ADAM22: variants seen among roughly 807,000 people sequenced by gnomAD.
ADAM22 encodes ADAM metallopeptidase domain 22.
Under a neutral mutation model 144.6 loss-of-function variants are expected in ADAM22, and 65 were observed. The observed-to-expected ratio is 0.45, with a 90% CI of 0.37 to 0.55. ADAM22 has a LOEUF of 0.55. Ranked by LOEUF, ADAM22 falls within the 20% of genes least tolerant of loss-of-function variation. ADAM22 has a pLI of 0.00. For missense variants in ADAM22, 974 were observed against 1,184.9 expected (o/e 0.82, Z 2.61); for synonymous variants, 391 against 412.6 (o/e 0.95, Z 0.63).
chr7:87,991,352 A>ATTTTT (rs10549124), intron 3 of ADAM22, among the ~76,000 whole-genome samples: 3 of 86,064 alleles, frequency 3.5e-5, no homozygotes, highest in East Asian at 3.5e-4. Flanking sequence ...CACTAGCCTT[A>ATTTTT]TTTTTTTTTT....
At chr7:87,960,911 G>A (rs1242654857) in intron 2 of ADAM22, among the ~76,000 whole-genome samples, 1 of 152,142 alleles carries the variant, frequency 6.6e-6, no homozygotes, top group Admixed American at 6.5e-5. Context: ...ATGTGGCACT[G>A]TTCTGTGCCT....
At chr7:87,975,526 T>C (rs1851707868) in intron 2 of ADAM22, among the ~76,000 whole-genome samples, 1 of 152,210 alleles carries the variant, frequency 6.6e-6, no homozygotes. Context: ...CAAACATTCT[T>C]ACTAAGCAGT....
chr7:88,026,356 C>G (rs1044404832), intron 3 of ADAM22, among the ~76,000 whole-genome samples: 2 of 152,138 alleles, frequency 1.3e-5, no homozygotes, highest in Non-Finnish European at 1.5e-5. Context: ...ATACTTTTAA[C>G]AACGAGATGT....
intron 17 of ADAM22, among the ~76,000 whole-genome samples, chr7:88,146,751 C>G (rs1283720443): frequency 1.3e-5 from 2 of 152,202 alleles, no homozygotes; most frequent in Non-Finnish European, 1.5e-5. Flanking sequence ...TACAGGCTCA[C>G]TTAGCCAGTA....
At chr7:88,040,851 T>C (rs1033445095) in intron 3 of ADAM22, among the ~76,000 whole-genome samples, 1 of 151,858 alleles carries the variant, frequency 6.6e-6, no homozygotes, top group Admixed American at 6.6e-5. Flanking sequence ...TCATTCAAGG[T>C]TGTTGGCAGA....
intron 23 of ADAM22, among the ~76,000 whole-genome samples, chr7:88,164,482 T>C (rs1842504014): frequency 1.3e-5 from 2 of 152,188 alleles, no homozygotes; most frequent in South Asian, 2.1e-4. Context: ...AAAAAATTAA[T>C]ATAAGAAAAA....
intron 2 of ADAM22, among the ~76,000 whole-genome samples, chr7:87,975,647 G>A (rs116645798): frequency 0.03 from 4,613 of 152,156 alleles, 103 homozygotes; most frequent in South Asian, 0.068. Flanking sequence ...TGGAGCTGCA[G>A]GAAAAAGAAT....
intron 7 of ADAM22, among the ~76,000 whole-genome samples, chr7:88,121,278 G>C (rs1235916332): frequency 6.6e-6 from 1 of 151,712 alleles, no homozygotes; most frequent in East Asian, 1.9e-4. Context: ...TATAATTCTG[G>C]GATTTTTATT....
chr7:88,180,948 T>A (rs543145144), intron 27 of ADAM22, among the ~76,000 whole-genome samples: 1 of 152,144 alleles, frequency 6.6e-6, no homozygotes, highest in South Asian at 2.1e-4. Context: ...TTAGCCAACA[T>A]GTACTACACT....
intron 20 of ADAM22, 51 bp downstream of exon 20, chr7:88,151,371 C>A: frequency 6.2e-7 from 1 of 1,603,154 alleles, no homozygotes; most frequent in Non-Finnish European, 8.5e-7. Flanking sequence ...GTCAGGCGGA[C>A]TTCTCAAGGA....
intron 4 of ADAM22, among the ~76,000 whole-genome samples, chr7:88,078,906 A>G (rs1224491931): frequency 3.9e-5 from 6 of 152,252 alleles, no homozygotes; most frequent in Non-Finnish European, 8.8e-5. Context: ...GAATGGAACC[A>G]AGTTGCAAAA....
intron 4 of ADAM22, among the ~76,000 whole-genome samples, chr7:88,085,268 CAGTTTGCACAAGCATGGCCA>C (rs1454448115): frequency 6.6e-6 from 1 of 152,156 alleles, no homozygotes; most frequent in Non-Finnish European, 1.5e-5. Context: ...CTTCTTGTGT[CAGTTTGCACAAGCATGGCCA>C]TATGTATCCT....
chr7:88,083,505 A>G (rs1359155336), intron 4 of ADAM22, among the ~76,000 whole-genome samples: 1 of 151,880 alleles, frequency 6.6e-6, no homozygotes, highest in Non-Finnish European at 1.5e-5. Context: ...AGAATGCTAT[A>G]ATGAAACCCC....
At chr7:88,175,934 T>C (rs933400074) in intron 26 of ADAM22, among the ~76,000 whole-genome samples, 5 of 152,164 alleles carry the variant, frequency 3.3e-5, no homozygotes, top group Non-Finnish European at 7.3e-5. Context: ...GACAAATTTC[T>C]AAATGAAGGA....
intron 21 of ADAM22, 151 bp downstream of exon 21, chr7:88,153,477 T>G (rs1336200918): frequency 1.7e-6 from 1 of 604,584 alleles, no homozygotes; most frequent in African/African-American, 1.9e-5. Context: ...GCATCACCTG[T>G]GCAGAGGGCT....
intron 4 of ADAM22, among the ~76,000 whole-genome samples, chr7:88,086,935 CTT>C (rs1818594320): frequency 6.6e-6 from 1 of 152,052 alleles, no homozygotes; most frequent in Non-Finnish European, 1.5e-5. Context: ...ACAGTAATAA[CTT>C]TTATTGTATG....
intron 30 of ADAM22, 74 bp from the exon 31 acceptor site, chr7:88,193,042 T>G: frequency 6.3e-7 from 1 of 1,588,188 alleles, no homozygotes; most frequent in Non-Finnish European, 8.6e-7. Flanking sequence ...GGGTTTGTTC[T>G]GAACACACTT....
chr7:87,946,698 C>G (rs1843753692), intron 2 of ADAM22, among the ~76,000 whole-genome samples: 1 of 152,114 alleles, frequency 6.6e-6, no homozygotes, highest in African/African-American at 2.4e-5. Context: ...CTATTGTGTT[C>G]CACTGGTCTA....
At chr7:88,039,464 A>AAAAAAAAAAAAAAT in intron 3 of ADAM22, among the ~76,000 whole-genome samples, 841 of 76,174 alleles carry the variant, frequency 0.011, 44 homozygotes, top group East Asian at 0.045. Context: ...AAAAAAAAAA[A>AAAAAAAAAAAAAAT]ATATATATAT....
Sources: gnomAD v4.1 joint callset for allele counts (sites outside exome capture counted in the v4.1 genomes callset) on GRCh38, gnomAD v4.1.1 for gene constraint, MANE v1.5 for transcripts, NCBI Gene and HGNC (gene_info 2026-07-23, HGNC 2026-07-21) for gene names.